Variants in CACNA1E observed in about 807,000 individuals in gnomAD.
The protein encoded by CACNA1E is calcium voltage-gated channel subunit alpha1 E, also known as voltage-dependent R-type calcium channel subunit alpha-1E.
Under a neutral mutation model 259.2 loss-of-function variants are expected in CACNA1E, and 40 were observed. That is an observed-to-expected ratio of 0.15 (90% CI 0.12 to 0.20). The LOEUF is 0.20. Ranked by LOEUF, CACNA1E falls within the 10% of genes least tolerant of loss-of-function variation. The probability of loss-of-function intolerance (pLI) is 1.00; values close to 1 mark genes in which losing one functional copy is unlikely to be tolerated. For synonymous variants in CACNA1E, 1,104 were observed against 1,138.5 expected (o/e 0.97, Z 0.61); for missense variants, 1,874 against 3,040.1 (o/e 0.62, Z 9.02).
intron 7 of CACNA1E, among the ~76,000 whole-genome samples, chr1:181,677,722 C>T (rs1398751620): frequency 6.6e-6 from 1 of 152,152 alleles, no homozygotes; most frequent in Admixed American, 6.5e-5. Flanking sequence ...ACTGTGGTTT[C>T]TATCATGTAA....
At chr1:181,674,766 A>G (rs1649202345) in intron 7 of CACNA1E, among the ~76,000 whole-genome samples, 1 of 152,186 alleles carries the variant, frequency 6.6e-6, no homozygotes, top group Admixed American at 6.5e-5. Context: ...CAGCACAGAG[A>G]GAGCAGAGGT....
chr1:181,733,844 G>A, intron 21 of CACNA1E, 94 bp downstream of exon 21: 1 of 925,768 alleles, frequency 1.1e-6, no homozygotes, highest in Non-Finnish European at 1.5e-6. Flanking sequence ...AGCACCACCA[G>A]GAGGAGTAAA....
Position 181,681,690 on chromosome 1 carries a change from A to G in CACNA1E, c.1056-29264A>G, listed in dbSNP as rs138314223. ...ATTGGGGGAATGGGGTTGTATTTGA[A>G]CAGAACCAGACAAGGATCTGAATGC... is the stretch of plus-strand genomic sequence containing the variant. On this transcript the variant is annotated intron_variant, in intron 7 of 47. Transcript: ENST00000367573. 2.0e-3 allele frequency among the ~76,000 whole-genome samples: 305 copies of G among 152,340 alleles called. 1 individual carries two copies. Among genetic ancestry groups the G allele is most frequent in the African/African-American group, 7.0e-3 (291 of 41,588 alleles).
intron 2 of CACNA1E, among the ~76,000 whole-genome samples, chr1:181,475,125 C>T (rs1662759676): frequency 6.6e-6 from 1 of 152,118 alleles, no homozygotes; most frequent in Non-Finnish European, 1.5e-5. Flanking sequence ...TGCCCAAGCT[C>T]TTTTTCACCA....
intron 6 of CACNA1E, among the ~76,000 whole-genome samples, chr1:181,634,327 C>T (rs946319123): frequency 3.9e-5 from 6 of 152,182 alleles, no homozygotes; most frequent in African/African-American, 1.4e-4. Flanking sequence ...CAAAGATTAT[C>T]TAAGGGCAGA....
In CACNA1E at chr1:181,733,498, A is replaced by G; in HGVS notation, c.3010A>G (p.Thr1004Ala). ...GGCAGGAGGCCTTGATGAGGCTGACACCCCCCTAGTCCTGCCCCATCCTGA... is the reference window on the plus strand; with the variant it reads ...GGCAGGAGGCCTTGATGAGGCTGACGCCCCCCTAGTCCTGCCCCATCCTGA... The part of the protein sequence containing the change: ...GLAGGLDEAD[T>A]PLVLPHPELE... Residue 1004 changes from threonine (T) to alanine (A), a missense_variant, in exon 21 of 48, where the codon ACC (threonine) becomes GCC (alanine). Thr to Ala is a moderately conservative substitution (Grantham distance 58). This residue lies in a region of CACNA1E where 476 missense variants were observed against 514.0 expected (regional missense o/e 0.93). Coordinates refer to ENST00000367573, the MANE Select transcript of CACNA1E (RefSeq NM_001205293.3). 1 of 1,589,178 alleles carries G rather than the reference A, an allele frequency of 6.3e-7. No individual in the cohort carries two copies. The highest frequency in any genetic ancestry group is 8.6e-7 in the Non-Finnish European group (1 of 1,166,498).
At chr1:181,354,665 G>A (rs1447975637) in intron 1 of CACNA1E, among the ~76,000 whole-genome samples, 3 of 152,146 alleles carry the variant, frequency 2.0e-5, no homozygotes, top group Non-Finnish European at 4.4e-5. Context: ...TCTTGCTACA[G>A]TTCCCACCCG....
chr1:181,539,887 T>C (rs1447703026), intron 3 of CACNA1E, among the ~76,000 whole-genome samples: 1 of 152,192 alleles, frequency 6.6e-6, no homozygotes, highest in African/African-American at 2.4e-5. Context: ...GTATTACTTA[T>C]TATAGGTCTT....
At chr1:181,659,146 A>AG (rs967940496) in intron 7 of CACNA1E, among the ~76,000 whole-genome samples, 1 of 152,078 alleles carries the variant, frequency 6.6e-6, no homozygotes, top group African/African-American at 2.4e-5. Context: ...CAGAAATTAA[A>AG]GGGGGAACAC....
intron 7 of CACNA1E, among the ~76,000 whole-genome samples, chr1:181,675,407 G>C (rs1200181052): frequency 1.3e-5 from 2 of 152,166 alleles, no homozygotes; most frequent in East Asian, 1.9e-4. Flanking sequence ...AGAAAATAGC[G>C]TGTGAGAAAA....
chr1:181,755,401 A>G lies in CACNA1E; in HGVS notation c.3989+4A>G, dbSNP rs748273284. Reference sequence around the variant, plus strand: ...AGGACACAGAGAAGGAGTGCATGTAAGTGCCACCAGCGCATTCCACTTGAT... The same window carrying G: ...AGGACACAGAGAAGGAGTGCATGTAGGTGCCACCAGCGCATTCCACTTGAT... On this transcript the variant is annotated splice_donor_region_variant and intron_variant, in intron 28 of 47. Transcript: ENST00000367573. 4 of 1,613,008 alleles carry G rather than the reference A, an allele frequency of 2.5e-6. No individual in the cohort carries two copies. In the East Asian group the frequency reaches 8.9e-5, roughly 36 times the overall value.
chr1:181,322,206 G>A (rs531653560), intron 1 of CACNA1E, among the ~76,000 whole-genome samples: 2 of 152,256 alleles, frequency 1.3e-5, no homozygotes, highest in South Asian at 2.1e-4. Flanking sequence ...CCCAACAAGT[G>A]AGGGAGAATT....
At chr1:181,503,479 A>G (rs1370944060) in intron 1 of CACNA1E, among the ~76,000 whole-genome samples, 1 of 152,154 alleles carries the variant, frequency 6.6e-6, no homozygotes, top group Non-Finnish European at 1.5e-5. Flanking sequence ...TCTGGGCCAA[A>G]TGTCTTTGCT....
intron 2 of CACNA1E, among the ~76,000 whole-genome samples, chr1:181,470,961 G>A (rs1662466371): frequency 6.6e-6 from 1 of 152,180 alleles, no homozygotes; most frequent in African/African-American, 2.4e-5. Flanking sequence ...TTTATAAACA[G>A]CATAAACTTA....
At position 181,804,689 on chromosome 1, in the gene CACNA1E, A is replaced by T. The variant is rs2102938902; in HGVS notation, c.*5855A>T. 1 of 152,276 alleles carries T rather than the reference A, an allele frequency of 6.6e-6. No homozygotes were observed. The highest frequency in any genetic ancestry group is 2.1e-4 in the South Asian group (1 of 4,816). 9.4% of individuals were successfully genotyped at this position (152,276 alleles called of 1,614,324 possible). A position where few individuals can be genotyped will look rare whatever the true frequency, so the allele number is the denominator to read the frequency against. Reference sequence around the variant, plus strand: ...TGAATGTTTGGCTAACTCATGATGTAAAGTGTCTGTTAAGTTAATAATACA... The same window carrying T: ...TGAATGTTTGGCTAACTCATGATGTTAAGTGTCTGTTAAGTTAATAATACA... On this transcript the variant is annotated 3_prime_UTR_variant, in exon 48 of 48. Transcript: ENST00000367573.
At chr1:181,753,393 A>T (rs1329355199) in intron 27 of CACNA1E, among the ~76,000 whole-genome samples, 1 of 152,104 alleles carries the variant, frequency 6.6e-6, no homozygotes, top group Non-Finnish European at 1.5e-5. Flanking sequence ...TAGTTTGAGA[A>T]CCCCTGTCAA....
At chr1:181,497,265 T>C (rs1313085923) in intron 1 of CACNA1E, among the ~76,000 whole-genome samples, 2 of 152,146 alleles carry the variant, frequency 1.3e-5, no homozygotes, top group Non-Finnish European at 2.9e-5. Context: ...CAAACATCAG[T>C]AGACAGGCTC....
At chr1:181,752,517 C>G (rs1412433468) in intron 27 of CACNA1E, among the ~76,000 whole-genome samples, 1 of 152,188 alleles carries the variant, frequency 6.6e-6, no homozygotes, top group Non-Finnish European at 1.5e-5. Flanking sequence ...TCCTGTGTGG[C>G]TTTGTCCTGG....
chr1:181,490,624 G>A (rs12060765), intron 1 of CACNA1E, among the ~76,000 whole-genome samples: 2 of 145,730 alleles, frequency 1.4e-5, no homozygotes, highest in African/African-American at 5.0e-5. Context: ...CTATATTTTT[G>A]TGTGTGTGCT....
Sources: allele counts gnomAD v4.1 joint callset (sites outside exome capture counted in the v4.1 genomes callset), GRCh38; gene constraint gnomAD v4.1.1; regional missense constraint gnomAD v4.1.1; transcripts MANE v1.5; gene names NCBI Gene and HGNC (gene_info 2026-07-23, HGNC 2026-07-21).